SLC28A3: variants seen among roughly 807,000 people sequenced by gnomAD.
SLC28A3 encodes the protein solute carrier family 28 member 3, also known as concentrative Na(+)-nucleoside cotransporter 3.
SLC28A3 carries 68 observed loss-of-function variants against 84.2 expected under a neutral mutation model. That is an observed-to-expected ratio of 0.81 (90% CI 0.66 to 0.99). The LOEUF is 0.99. Among genes scored for constraint, SLC28A3 ranks in the 50% least tolerant of loss-of-function variants. SLC28A3 has a pLI of 0.00. For missense variants in SLC28A3, 712 were observed against 841.5 expected, an observed-to-expected ratio of 0.85 and a Z score of 1.90; for synonymous variants, 267 against 303.6, an observed-to-expected ratio of 0.88 and a Z score of 1.25.
chr9:84,277,907 T>G lies in SLC28A3; in HGVS notation c.*311A>C. The G allele has an allele frequency of 1.3e-4, 36 of 277,524 alleles. No homozygotes were observed. The highest frequency in any genetic ancestry group is 1.2e-3 in the Middle Eastern group (1 of 838). 17.2% of individuals were successfully genotyped at this position (277,524 alleles called of 1,614,324 possible). On this transcript the variant is annotated 3_prime_UTR_variant, in exon 18 of 18. Coordinates refer to ENST00000376238, the MANE Select transcript of SLC28A3 (RefSeq NM_001199633.2). ...GAGCCCAGTTGTTGGGAGCGGCCGT[T>G]TATAGCTGTATTCTGGTGAAATGCC...
At chr9:84,297,021 T>C (rs748343203) in intron 8 of SLC28A3, among the ~76,000 whole-genome samples, 200 bp downstream of exon 8, 2 of 152,208 alleles carry the variant, frequency 1.3e-5, no homozygotes, top group East Asian at 3.8e-4. Flanking sequence ...CTTAACTCCA[T>C]AGTAACAAGG....
chr9:84,297,395 A>T, intron 7 of SLC28A3, 97 bp from the exon 8 acceptor site: 1 of 915,738 alleles, frequency 1.1e-6, no homozygotes, highest in Non-Finnish European at 1.7e-6. Context: ...CGGACCCAGC[A>T]AATGTGTTGG....
chr9:84,278,428 T>G (rs1356273066), intron 17 of SLC28A3, 84 bp from the exon 18 acceptor site: 1 of 1,549,836 alleles, frequency 6.5e-7, no homozygotes, highest in Non-Finnish European at 8.8e-7. Flanking sequence ...TAAAAATAGT[T>G]CAGGGCAGGA....
intron 1 of SLC28A3, among the ~76,000 whole-genome samples, chr9:84,335,539 C>A (rs1397728310): frequency 6.6e-6 from 1 of 152,096 alleles, no homozygotes; most frequent in Non-Finnish European, 1.5e-5. Flanking sequence ...CAGAGTGAAG[C>A]CCTGTCTCTA....
chr9:84,278,517 T>C (rs999807291), intron 17 of SLC28A3, 173 bp from the exon 18 acceptor site: 1 of 741,556 alleles, frequency 1.3e-6, no homozygotes, highest in African/African-American at 1.8e-5. Context: ...GGCTCCTAAA[T>C]TCTGGGTGTC....
At chr9:84,296,594 C>A (rs143320520) in intron 8 of SLC28A3, among the ~76,000 whole-genome samples, 174 of 152,304 alleles carry the variant, frequency 1.1e-3, no homozygotes, top group African/African-American at 4.1e-3. Flanking sequence ...CATGTGGGAG[C>A]CTCAAGAAGG....
intron 3 of SLC28A3, among the ~76,000 whole-genome samples, chr9:84,307,491 T>C (rs919421290): frequency 1.3e-5 from 2 of 148,818 alleles, no homozygotes; most frequent in African/African-American, 5.0e-5. Flanking sequence ...AAAAGTATCA[T>C]AGTGTATCAT....
Position 84,327,513 on chromosome 9 carries a change from A to G in SLC28A3, c.60+13061T>C, listed in dbSNP as rs370767972. Among the ~76,000 whole-genome samples, 27 of 152,300 alleles carry G rather than the reference A, an allele frequency of 1.8e-4. No individual in the cohort carries two copies. In the East Asian group the frequency reaches 2.1e-3, roughly 12 times the overall value. On this transcript the variant is annotated intron_variant, in intron 1 of 17. Transcript: ENST00000376238. ...CTCATGATAGCCTCAACAACCCTGC[A>G]ATCATGAAAACTAGGAGTCTAGCCG... is the stretch of plus-strand genomic sequence containing the variant.
At chr9:84,289,432 A>G (rs1056805834) in intron 11 of SLC28A3, among the ~76,000 whole-genome samples, 1 of 152,190 alleles carries the variant, frequency 6.6e-6, no homozygotes, top group African/African-American at 2.4e-5. Context: ...CACCAGTTAT[A>G]ACATTCTCTA....
the SLC28A3 span, among the ~76,000 whole-genome samples, chr9:84,360,068 A>G: frequency 6.6e-6 from 1 of 151,368 alleles, no homozygotes; most frequent in East Asian, 1.9e-4. Flanking sequence ...AGTGTGGAGG[A>G]GACTCTGACG....
intron 10 of SLC28A3, among the ~76,000 whole-genome samples, 189 bp from the exon 11 acceptor site, chr9:84,290,468 A>G (rs1158387896): frequency 6.6e-6 from 1 of 151,610 alleles, no homozygotes; most frequent in East Asian, 1.9e-4. Context: ...TAAATTAGAA[A>G]CTCCAAGGGT....
intron 12 of SLC28A3, among the ~76,000 whole-genome samples, chr9:84,286,588 A>G (rs939698458): frequency 2.0e-5 from 3 of 151,810 alleles, no homozygotes; most frequent in Non-Finnish European, 4.4e-5. Flanking sequence ...ATTTGGGGAC[A>G]TTTATAATAA....
intron 1 of SLC28A3, among the ~76,000 whole-genome samples, chr9:84,329,891 A>G (rs935818927): frequency 1.3e-5 from 2 of 151,932 alleles, no homozygotes; most frequent in Admixed American, 1.3e-4. Flanking sequence ...AAATAACAAA[A>G]ATGAAAATAT....
the SLC28A3 span, among the ~76,000 whole-genome samples, chr9:84,362,597 C>G: frequency 6.6e-6 from 1 of 150,774 alleles, no homozygotes; most frequent in Non-Finnish European, 1.5e-5. Flanking sequence ...GGGCCACTGC[C>G]CTTATAGCCT....
chr9:84,314,556 T>C (rs1826102257), intron 1 of SLC28A3, among the ~76,000 whole-genome samples: 1 of 152,142 alleles, frequency 6.6e-6, no homozygotes, highest in African/African-American at 2.4e-5. Flanking sequence ...CAAGTTGTAT[T>C]GCATTTTCTA....
chr9:84,312,819 A>G (rs978400809), intron 2 of SLC28A3, among the ~76,000 whole-genome samples: 4 of 152,154 alleles, frequency 2.6e-5, no homozygotes, highest in Admixed American at 1.3e-4. Context: ...GATTACAGGC[A>G]TAAGCCACCG....
In SLC28A3 at chr9:84,286,054, C is replaced by T. The variant is rs1234064442; in HGVS notation, c.1338G>A (p.Leu446=). 1 of 1,614,076 alleles carries T rather than the reference C, an allele frequency of 6.2e-7. No individual in the cohort carries two copies. Among genetic ancestry groups the T allele is most frequent in the African/African-American group, 1.3e-5 (1 of 74,996 alleles). ...ATQGASSSIS[L]VANIAVNLIA... ...TCAGATTCACAGCGATGTTGGCCAC[C>T]AGGGAGATGGAGGAGGATGCTCCCT... Residue 446 remains leucine, a synonymous_variant, in exon 13 of 18, where the codon CTG becomes CTA. Coordinates refer to ENST00000376238, the MANE Select transcript of SLC28A3 (RefSeq NM_001199633.2).
intron 1 of SLC28A3, among the ~76,000 whole-genome samples, chr9:84,331,846 A>C (rs1188167755): frequency 1.3e-5 from 2 of 152,152 alleles, no homozygotes; most frequent in Non-Finnish European, 2.9e-5. Flanking sequence ...ATCTCTTTGG[A>C]TTCTTCCCCA....
intron 8 of SLC28A3, 109 bp downstream of exon 8, chr9:84,297,112 G>A (rs1180121808): frequency 1.5e-5 from 11 of 755,728 alleles, no homozygotes; most frequent in Non-Finnish European, 2.0e-5. Flanking sequence ...TCTGACCAGC[G>A]CAGTAGGTAT....
Sources: gnomAD v4.1 joint callset for allele counts (sites outside exome capture counted in the v4.1 genomes callset) on GRCh38, gnomAD v4.1.1 for gene constraint, MANE v1.5 for transcripts, NCBI Gene and HGNC (gene_info 2026-07-23, HGNC 2026-07-21) for gene names.